Variants in IL1RAPL1 observed in about 807,000 individuals in gnomAD.
IL1RAPL1 encodes interleukin 1 receptor accessory protein like 1, also known as interleukin-1 receptor accessory protein-like 1.
In IL1RAPL1, 3 loss-of-function variants were observed where a neutral mutation model predicts 48.4. The observed-to-expected ratio is 0.06, with a 90% CI of 0.03 to 0.16. The LOEUF (loss-of-function observed/expected upper bound fraction) is 0.16. Ranked by LOEUF, IL1RAPL1 falls within the 10% of genes least tolerant of loss-of-function variation. The pLI, the probability that IL1RAPL1 is intolerant of heterozygous loss-of-function variation, is 1.00. For missense variants in IL1RAPL1, 349 were observed against 530.6 expected, an observed-to-expected ratio of 0.66 and a Z score of 3.36; for synonymous variants, 185 against 187.7, an observed-to-expected ratio of 0.99 and a Z score of 0.12.
At chrX:29,086,480 A>T (rs1927955131) in intron 2 of IL1RAPL1, among the ~76,000 whole-genome samples, 1 of 112,010 alleles carries the variant, frequency 8.9e-6, no homozygotes, top group Non-Finnish European at 1.9e-5. Context: ...AAAAGACTTG[A>T]CTTTATATAC....
chrX:29,133,003 C>T (rs1929054181), intron 2 of IL1RAPL1, among the ~76,000 whole-genome samples: 2 of 111,222 alleles, frequency 1.8e-5, no homozygotes, highest in African/African-American at 6.5e-5. Flanking sequence ...TCAGTTGTCT[C>T]TTTCTTTCAT....
At chrX:29,289,855 G>A (rs1459831068) in intron 3 of IL1RAPL1, among the ~76,000 whole-genome samples, 13 of 111,929 alleles carry the variant, frequency 1.2e-4, no homozygotes, top group South Asian at 3.7e-4. Flanking sequence ...TTTTGGTTTC[G>A]ACATGTACAT....
chrX:29,106,777 A>T (rs949917155), intron 2 of IL1RAPL1, among the ~76,000 whole-genome samples: 1 of 111,702 alleles, frequency 9.0e-6, no homozygotes, highest in African/African-American at 3.3e-5. Flanking sequence ...ATATACCAAA[A>T]ATTATAAATC....
intron 6 of IL1RAPL1, among the ~76,000 whole-genome samples, chrX:29,789,008 A>G (rs139356080): frequency 0.016 from 1,839 of 111,941 alleles, 18 homozygotes; most frequent in Non-Finnish European, 0.023. Flanking sequence ...CTAGTTCAGG[A>G]TATGTTTATC....
At chrX:29,853,877 TA>T (rs1931427508) in intron 6 of IL1RAPL1, among the ~76,000 whole-genome samples, 1 of 112,233 alleles carries the variant, frequency 8.9e-6, no homozygotes, top group Non-Finnish European at 1.9e-5. Context: ...TTTGTGGTGT[TA>T]TAATTAGAGG....
At chrX:29,713,154 A>T (rs1418350665) in intron 6 of IL1RAPL1, among the ~76,000 whole-genome samples, 2 of 112,007 alleles carry the variant, frequency 1.8e-5, no homozygotes, top group East Asian at 5.6e-4. Context: ...AAAATTATAA[A>T]GAAAGATCAC....
chrX:29,563,927 TTTGTC>T (rs1489647865), intron 5 of IL1RAPL1, among the ~76,000 whole-genome samples: 2 of 112,214 alleles, frequency 1.8e-5, no homozygotes, highest in South Asian at 3.7e-4. Context: ...ATTTTTTTGT[TTTGTC>T]TTGTCTTTTA....
intron 6 of IL1RAPL1, among the ~76,000 whole-genome samples, chrX:29,898,423 A>G (rs949319180): frequency 9.0e-6 from 1 of 110,919 alleles, no homozygotes; most frequent in African/African-American, 3.2e-5. Context: ...GCCATCGACC[A>G]TTAAATGTGA....
chrX:29,646,403 A>G (rs1002620880), intron 5 of IL1RAPL1, among the ~76,000 whole-genome samples: 4 of 111,918 alleles, frequency 3.6e-5, no homozygotes, highest in Non-Finnish European at 3.8e-5. Context: ...ATACGGTAAG[A>G]TGAGAAAAAG....
chrX:29,646,863 G>A (rs1428610681), intron 5 of IL1RAPL1, among the ~76,000 whole-genome samples: 5 of 111,523 alleles, frequency 4.5e-5, no homozygotes, highest in Non-Finnish European at 9.4e-5. Context: ...AAGAAAAGCT[G>A]TCCTTCAGAA....
At chrX:29,694,146 C>A (rs1926848498) in intron 6 of IL1RAPL1, among the ~76,000 whole-genome samples, 1 of 111,890 alleles carries the variant, frequency 8.9e-6, no homozygotes, top group South Asian at 3.7e-4. Flanking sequence ...GGTACCCAGG[C>A]ATTTTCTACA....
chrX:29,872,105 CAAG>C (rs1027789183), intron 6 of IL1RAPL1, among the ~76,000 whole-genome samples: 9 of 111,844 alleles, frequency 8.0e-5, no homozygotes, highest in African/African-American at 2.0e-4. Context: ...GAACCATCTG[CAAG>C]AAGAAGAATA....
At chrX:29,663,764 T>C (rs1375901377) in intron 5 of IL1RAPL1, among the ~76,000 whole-genome samples, 1 of 112,186 alleles carries the variant, frequency 8.9e-6, no homozygotes, top group Non-Finnish European at 1.9e-5. Context: ...CCCCTTTTGA[T>C]CCTTTGGTTG....
At chrX:29,675,949 TAAA>T in intron 6 of IL1RAPL1, among the ~76,000 whole-genome samples, 1 of 112,447 alleles carries the variant, frequency 8.9e-6, no homozygotes, top group Non-Finnish European at 1.9e-5. Context: ...GTTTTTTACA[TAAA>T]AAATTTACAA....
intron 2 of IL1RAPL1, among the ~76,000 whole-genome samples, chrX:29,151,172 T>G (rs2147498593): frequency 9.0e-6 from 1 of 111,327 alleles, no homozygotes. Flanking sequence ...AACTATCACA[T>G]TAAGAAGCAA....
intron 2 of IL1RAPL1, among the ~76,000 whole-genome samples, chrX:28,825,651 T>C (rs760236439): frequency 3.6e-5 from 4 of 111,377 alleles, no homozygotes; most frequent in Non-Finnish European, 7.6e-5. Context: ...ACCTGCATAT[T>C]TGAGAATCTT....
intron 2 of IL1RAPL1, among the ~76,000 whole-genome samples, chrX:28,886,522 A>T (rs752103918): frequency 1.9e-3 from 80 of 42,666 alleles, no homozygotes; most frequent in African/African-American, 6.4e-3. Context: ...TTGTTGTTTT[A>T]AAAAAAAAAG....
intron 6 of IL1RAPL1, among the ~76,000 whole-genome samples, chrX:29,899,492 C>T (rs1216938711): frequency 9.1e-6 from 1 of 110,081 alleles, no homozygotes; most frequent in Non-Finnish European, 1.9e-5. Flanking sequence ...ATGAAAAGAA[C>T]TCTGAGAGAC....
chrX:28,978,334 T>G (rs1036318445), intron 2 of IL1RAPL1, among the ~76,000 whole-genome samples: 1 of 111,108 alleles, frequency 9.0e-6, no homozygotes, highest in African/African-American at 3.3e-5. Flanking sequence ...TGTTTACTGA[T>G]TACTTCAATT....
Sources: allele counts gnomAD v4.1 joint callset (sites outside exome capture counted in the v4.1 genomes callset), GRCh38; gene constraint gnomAD v4.1.1; transcripts MANE v1.5; gene names NCBI Gene and HGNC (gene_info 2026-07-23, HGNC 2026-07-21).